Variants in MARCHF3 observed in about 807,000 individuals in gnomAD.
The protein encoded by MARCHF3 is E3 ubiquitin-protein ligase MARCHF3.
In MARCHF3, 13 loss-of-function variants were observed where a neutral mutation model predicts 24.2. The ratio of observed to expected loss-of-function variants is 0.54; its 90% CI spans 0.35 to 0.85. The LOEUF (loss-of-function observed/expected upper bound fraction) is 0.85, where lower values mean the gene tolerates loss of function less well. MARCHF3 is among the 40% of genes least tolerant of loss of function. MARCHF3 has a pLI of 0.01. For missense variants in MARCHF3, 276 were observed against 325.0 expected (o/e 0.85, Z 1.16); for synonymous variants, 144 against 137.3 (o/e 1.05, Z -0.34).
intron 3 of MARCHF3, among the ~76,000 whole-genome samples, chr5:126,909,957 A>G (rs1754459211): frequency 6.6e-6 from 1 of 152,248 alleles, no homozygotes; most frequent in Non-Finnish European, 1.5e-5. Flanking sequence ...TATGTGTGAA[A>G]ACATGCTCAG....
intron 1 of MARCHF3, among the ~76,000 whole-genome samples, chr5:126,961,411 A>G (rs1476482136): frequency 6.6e-6 from 1 of 152,172 alleles, no homozygotes; most frequent in Admixed American, 6.5e-5. Flanking sequence ...AAACTCAGAC[A>G]TCTGTCTTTC....
rs58386463 is a variant in MARCHF3, at chr5:126,914,767, AACACAC to A, written c.393+157_393+162del. Reference sequence around the variant, plus strand: ...TGTCTGTCTACATCTCTCTTTCTCAAACACACACACACACACACACACACACACACA... The same window carrying A: ...TGTCTGTCTACATCTCTCTTTCTCAAACACACACACACACACACACACACA... On this transcript the variant is annotated intron_variant, in intron 3 of 4. Coordinates refer to ENST00000308660, the MANE Select transcript of MARCHF3 (RefSeq NM_178450.5). 3.5e-3 allele frequency: 1,709 copies of A among 484,254 alleles called. 16 individuals are homozygous for A. Among genetic ancestry groups the A allele is most frequent in the African/African-American group, 0.026 (1,132 of 43,346 alleles). 30.0% of individuals were successfully genotyped at this position (484,254 alleles called of 1,614,324 possible).
At chr5:127,029,385 G>C (rs1753100885) in intron 1 of MARCHF3, among the ~76,000 whole-genome samples, 1 of 152,112 alleles carries the variant, frequency 6.6e-6, no homozygotes, top group African/African-American at 2.4e-5. Context: ...TCTTATTCAT[G>C]TCAAATAAGA....
rs1229136609 is a variant in MARCHF3 at position 126,891,290 on chromosome 5, T to C, written c.394-12896A>G. Among the ~76,000 whole-genome samples, 327 of 149,522 alleles carry C rather than the reference T, an allele frequency of 2.2e-3. 3 individuals are homozygous for C. The highest frequency in any genetic ancestry group is 0.017 in the Admixed American group (261 of 15,018). On this transcript the variant is annotated intron_variant, in intron 3 of 4. Transcript: ENST00000308660. ...TTTGCTGTGCAGAAGCTCTTTAGTTTAATTAGATCCCATTTGTCAATTTTG... is the reference window on the plus strand; with the variant it reads ...TTTGCTGTGCAGAAGCTCTTTAGTTCAATTAGATCCCATTTGTCAATTTTG...
intron 1 of MARCHF3, among the ~76,000 whole-genome samples, chr5:126,927,553 C>T (rs977195783): frequency 5.9e-5 from 9 of 152,220 alleles, no homozygotes; most frequent in African/African-American, 1.7e-4. Flanking sequence ...GTGGCTGCAT[C>T]AGTCCCCTGC....
chr5:126,965,553 T>C (rs1408690836), intron 1 of MARCHF3, among the ~76,000 whole-genome samples: 1 of 152,256 alleles, frequency 6.6e-6, no homozygotes, highest in East Asian at 1.9e-4. Flanking sequence ...CTTAAAACTT[T>C]AGTTGCTCTA....
At chr5:127,015,969 C>T (rs965882275) in intron 1 of MARCHF3, among the ~76,000 whole-genome samples, 5 of 152,150 alleles carry the variant, frequency 3.3e-5, no homozygotes, top group Non-Finnish European at 7.4e-5. Context: ...CTTAGTAGCC[C>T]TCTGCATTAT....
At chr5:126,966,925 TTTTTTTTTTTTTTTTTTTTTG>T (rs1750836181) in intron 1 of MARCHF3, among the ~76,000 whole-genome samples, 1 of 127,052 alleles carries the variant, frequency 7.9e-6, no homozygotes, top group Non-Finnish European at 1.7e-5. Context: ...TTTTTTTTTT[TTTTTTTTTTTTTTTTTTTTTG>T]CTATTACCTA....
chr5:126,876,830 A>C (rs1195719455), intron 4 of MARCHF3, among the ~76,000 whole-genome samples: 1 of 152,108 alleles, frequency 6.6e-6, no homozygotes, highest in African/African-American at 2.4e-5. Flanking sequence ...TTGTATTTTT[A>C]GTAGAGACAG....
At chr5:126,916,911 A>G (rs989061108) in intron 2 of MARCHF3, among the ~76,000 whole-genome samples, 9 of 152,166 alleles carry the variant, frequency 5.9e-5, no homozygotes, top group African/African-American at 1.7e-4. Flanking sequence ...AAAGTTCTCC[A>G]AGAGTCAGAA....
At chr5:126,977,687 T>C (rs1332551614) in intron 1 of MARCHF3, among the ~76,000 whole-genome samples, 1 of 152,202 alleles carries the variant, frequency 6.6e-6, no homozygotes, top group Non-Finnish European at 1.5e-5. Context: ...GTGTGCAATA[T>C]ATGTTTGATT....
intron 1 of MARCHF3, among the ~76,000 whole-genome samples, chr5:127,001,832 GTGCTGGCCACTGATATAACA>G (rs1337656801): frequency 1.3e-5 from 2 of 152,236 alleles, no homozygotes; most frequent in African/African-American, 2.4e-5. Context: ...AAGTCCTTGA[GTGCTGGCCACTGATATAACA>G]TGCAGGAGGA....
At chr5:127,020,350 C>T (rs11960799) in intron 1 of MARCHF3, among the ~76,000 whole-genome samples, 70,389 of 152,000 alleles carry the variant, frequency 0.46, 16,781 homozygotes, top group East Asian at 0.67. Context: ...AGTGGAGAAG[C>T]ACTCCAGAGA....
At chr5:126,982,006 T>C (rs1043998611) in intron 1 of MARCHF3, among the ~76,000 whole-genome samples, 3 of 152,220 alleles carry the variant, frequency 2.0e-5, no homozygotes, top group Non-Finnish European at 2.9e-5. Context: ...TTCCTTTAAG[T>C]TAACTTGATA....
chr5:126,915,202 A>G, intron 2 of MARCHF3, 68 bp from the exon 3 acceptor site: 1 of 1,513,502 alleles, frequency 6.6e-7, no homozygotes, highest in Admixed American at 1.8e-5. Context: ...ATGGCCCTCT[A>G]GCTCTTGTCC....
At position 126,905,967 on chromosome 5, in the gene MARCHF3, C is replaced by G. The variant is rs1442253100; in HGVS notation, c.393+8963G>C. 1.3e-5 allele frequency among the ~76,000 whole-genome samples: 2 copies of G among 152,000 alleles called. 1 individual carries two copies. Among genetic ancestry groups the G allele is most frequent in the East Asian group, 3.9e-4 (2 of 5,184 alleles). On this transcript the variant is annotated intron_variant, in intron 3 of 4. Transcript: ENST00000308660. ...GGCTGTGGGTTTGTCATAGATAGCG[C>G]TTATTATTTTGAGATACGTCCCATC... is the stretch of plus-strand genomic sequence containing the variant.
intron 1 of MARCHF3, among the ~76,000 whole-genome samples, chr5:126,980,289 T>A (rs1304438998): frequency 1.3e-5 from 2 of 152,002 alleles, no homozygotes; most frequent in Non-Finnish European, 2.9e-5. Flanking sequence ...TGGCCCAGGG[T>A]GACTAGATCT....
At chr5:127,030,179 A>T (rs892383399) in intron 1 of MARCHF3, 171 bp downstream of exon 1, 9 of 152,218 alleles carry the variant, frequency 5.9e-5, no homozygotes, top group East Asian at 1.9e-4. Flanking sequence ...TGACAAGAAG[A>T]AGTTCGGGAG....
chr5:127,029,892 T>C (rs1753120519), intron 1 of MARCHF3: 1 of 152,298 alleles, frequency 6.6e-6, no homozygotes, highest in African/African-American at 2.4e-5. Context: ...AGAACCCGGC[T>C]GGTACTCCAG....
Sources: allele counts gnomAD v4.1 joint callset (sites outside exome capture counted in the v4.1 genomes callset), GRCh38; gene constraint gnomAD v4.1.1; transcripts MANE v1.5; gene names NCBI Gene and HGNC (gene_info 2026-07-23, HGNC 2026-07-21).